Variants in FAM135B observed in about 807,000 individuals in gnomAD.
FAM135B encodes protein FAM135B.
A neutral mutation model predicts 127.7 loss-of-function variants in FAM135B; 43 were observed. The ratio of observed to expected loss-of-function variants is 0.34; its 90% CI spans 0.26 to 0.43. The LOEUF (loss-of-function observed/expected upper bound fraction) is 0.43. Ranked by LOEUF, FAM135B falls within the 20% of genes least tolerant of loss-of-function variation. The pLI, the probability that FAM135B is intolerant of heterozygous loss-of-function variation, is 1.00. For synonymous variants in FAM135B, 670 were observed against 665.1 expected (o/e 1.01, Z -0.11); for missense variants, 1,558 against 1,725.6 (o/e 0.90, Z 1.72).
intron 11 of FAM135B, among the ~76,000 whole-genome samples, chr8:138,173,898 G>A (rs1296706529): frequency 6.6e-6 from 1 of 152,150 alleles, no homozygotes; most frequent in African/African-American, 2.4e-5. Context: ...CTAGACATTG[G>A]TAAAACAGAG....
At chr8:138,409,640 C>T (rs777924093) in intron 1 of FAM135B, among the ~76,000 whole-genome samples, 9 of 151,880 alleles carry the variant, frequency 5.9e-5, no homozygotes, top group Non-Finnish European at 1.3e-4. Context: ...CTTTGGGAGG[C>T]CGAGGTGGGT....
intron 10 of FAM135B, among the ~76,000 whole-genome samples, chr8:138,177,776 C>A (rs1814615314): frequency 6.6e-6 from 1 of 152,164 alleles, no homozygotes; most frequent in Non-Finnish European, 1.5e-5. Context: ...ATTCCCAAAC[C>A]CAGTCATGTA....
intron 7 of FAM135B, among the ~76,000 whole-genome samples, chr8:138,201,923 C>T (rs1260260951): frequency 2.0e-5 from 3 of 151,886 alleles, no homozygotes; most frequent in Non-Finnish European, 2.9e-5. Flanking sequence ...GTCGGGAGTT[C>T]GAGACCAGCC....
chr8:138,428,546 C>T (rs1219720324), intron 1 of FAM135B, among the ~76,000 whole-genome samples: 1 of 152,066 alleles, frequency 6.6e-6, no homozygotes, highest in Non-Finnish European at 1.5e-5. Flanking sequence ...CATGATTCCT[C>T]AATTTGCAGG....
At chr8:138,394,240 G>A (rs1832742013) in intron 1 of FAM135B, among the ~76,000 whole-genome samples, 1 of 152,118 alleles carries the variant, frequency 6.6e-6, no homozygotes, top group African/African-American at 2.4e-5. Flanking sequence ...CTGCCTGCAG[G>A]GTGTGTTTGT....
intron 8 of FAM135B, 107 bp downstream of exon 8, chr8:138,197,409 G>A (rs1406578212): frequency 1.5e-6 from 2 of 1,366,568 alleles, no homozygotes; most frequent in African/African-American, 2.9e-5. Context: ...CCTGGACCAG[G>A]GTTATTCCTG....
intron 2 of FAM135B, among the ~76,000 whole-genome samples, chr8:138,336,866 C>G (rs1283121191): frequency 6.6e-6 from 1 of 152,178 alleles, no homozygotes; most frequent in Non-Finnish European, 1.5e-5. Flanking sequence ...CAATAAAATA[C>G]TGGCAAACCG....
chr8:138,368,990 G>A (rs1830946317), intron 1 of FAM135B, among the ~76,000 whole-genome samples: 1 of 152,082 alleles, frequency 6.6e-6, no homozygotes. Flanking sequence ...CATTTTGCAT[G>A]CAAGAAAAAA....
intron 2 of FAM135B, among the ~76,000 whole-genome samples, chr8:138,335,895 T>C (rs1043800685): frequency 2.0e-5 from 3 of 152,154 alleles, no homozygotes; most frequent in African/African-American, 7.2e-5. Flanking sequence ...ACAGAAATTA[T>C]CACAAACTGT....
intron 1 of FAM135B, among the ~76,000 whole-genome samples, chr8:138,451,129 T>TA (rs1469021072): frequency 6.6e-6 from 1 of 152,182 alleles, no homozygotes; most frequent in African/African-American, 2.4e-5. Context: ...TTCAATGGGA[T>TA]AGCCTTGACC....
intron 1 of FAM135B, among the ~76,000 whole-genome samples, chr8:138,398,987 C>A (rs535762752): frequency 1.3e-5 from 2 of 152,192 alleles, no homozygotes; most frequent in Non-Finnish European, 2.9e-5. Context: ...TAGAACAGAG[C>A]TCATTCTACC....
At chr8:138,280,896 A>C (rs7830773) in intron 3 of FAM135B, among the ~76,000 whole-genome samples, 127,123 of 151,940 alleles carry the variant, frequency 0.84, 53,377 homozygotes, top group Admixed American at 0.9. Context: ...GGGGGCTCAG[A>C]GGTGCAGACA....
chr8:138,421,287 A>G (rs1210532578), intron 1 of FAM135B, among the ~76,000 whole-genome samples: 1 of 152,140 alleles, frequency 6.6e-6, no homozygotes, highest in African/African-American at 2.4e-5. Context: ...CATTCCAGCC[A>G]GGGCAACAGA....
chr8:138,198,920 G>C (rs1816881301), intron 7 of FAM135B, among the ~76,000 whole-genome samples: 1 of 152,210 alleles, frequency 6.6e-6, no homozygotes, highest in Admixed American at 6.5e-5. Context: ...CCCATCTACT[G>C]TTCACATGGC....
intron 1 of FAM135B, among the ~76,000 whole-genome samples, chr8:138,479,111 A>G (rs1308177482): frequency 6.6e-6 from 1 of 152,190 alleles, no homozygotes; most frequent in Non-Finnish European, 1.5e-5. Flanking sequence ...AAGCACTGAA[A>G]AGAAGAGATA....
At position 138,332,123 on chromosome 8, in the gene FAM135B, G is replaced by A. The variant is rs115366914; in HGVS notation, c.78-21203C>T. ...ATCTGGCTCTGAGTCCAAGGCTTAG[G>A]ATAGTACATCCCCTGGAGACCAGAG... is the stretch of plus-strand genomic sequence containing the variant. On this transcript the variant is annotated intron_variant, in intron 2 of 19. Coordinates refer to ENST00000395297, the MANE Select transcript of FAM135B (RefSeq NM_015912.4). Among the ~76,000 whole-genome samples the A allele has an allele frequency of 5.7e-3, 875 of 152,264 alleles. 11 individuals are homozygous for A. Among genetic ancestry groups the A allele is most frequent in the African/African-American group, 0.02 (823 of 41,552 alleles).
chr8:138,432,877 G>A (rs1340421167), intron 1 of FAM135B, among the ~76,000 whole-genome samples: 1 of 151,948 alleles, frequency 6.6e-6, no homozygotes, highest in Non-Finnish European at 1.5e-5. Flanking sequence ...GGGGTGACGG[G>A]GCCCCAGAAA....
chr8:138,449,596 A>G (rs1370807006), intron 1 of FAM135B, among the ~76,000 whole-genome samples: 1 of 152,194 alleles, frequency 6.6e-6, no homozygotes, highest in Non-Finnish European at 1.5e-5. Context: ...AACTCTACTA[A>G]GTGCATTGGA....
Position 138,242,043 on chromosome 8 carries a change from G to A in FAM135B, c.669+899C>T, listed in dbSNP as rs138594543. The stretch of plus-strand genomic sequence containing the variant: ...TAACACTAGCTTTCCTGGTTCTGAG[G>A]CCTTTAGCCTTGGACTGGAATGATA... On this transcript the variant is annotated intron_variant, in intron 7 of 19. Coordinates refer to ENST00000395297, the MANE Select transcript of FAM135B (RefSeq NM_015912.4). This position sits in a 1 kb window ranked among gnomAD's most constrained non-coding sequence, Gnocchi z 9.6. 1.2e-4 allele frequency among the ~76,000 whole-genome samples: 19 copies of A among 152,162 alleles called. No homozygotes were observed. The East Asian group carries it at 3.5e-3, about 28-fold the overall frequency.
Sources: allele counts gnomAD v4.1 joint callset (sites outside exome capture counted in the v4.1 genomes callset), GRCh38; gene constraint gnomAD v4.1.1; non-coding constraint Gnocchi (gnomAD v3.1); transcripts MANE v1.5; gene names NCBI Gene and HGNC (gene_info 2026-07-23, HGNC 2026-07-21).